Variants in KCNQ1 observed in about 807,000 individuals in gnomAD.
KCNQ1 encodes potassium voltage-gated channel subfamily Q member 1.
In KCNQ1, 49 loss-of-function variants were observed where a neutral mutation model predicts 72.4. The observed-to-expected ratio is 0.68, with a 90% CI of 0.54 to 0.86. The LOEUF (loss-of-function observed/expected upper bound fraction) is 0.86. Among genes scored for constraint, KCNQ1 ranks in the 40% least tolerant of loss-of-function variants. KCNQ1 has a pLI of 0.00. For missense variants in KCNQ1, 790 were observed against 945.1 expected (o/e 0.84, Z 2.15); for synonymous variants, 450 against 412.6 (o/e 1.09, Z -1.10).
At position 2,482,005 on chromosome 11, in the gene KCNQ1, T is replaced by C. The variant is rs1286120886; in HGVS notation, c.386+36521T>C. ...AAACCAGTCACTGGTCCCAAAAAGG[T>C]TGGGGACCACGGCCATCGGCTGTTT... is the stretch of plus-strand genomic sequence containing the variant. On this transcript the variant is annotated intron_variant, in intron 1 of 15. Coordinates refer to ENST00000155840, the MANE Select transcript of KCNQ1 (RefSeq NM_000218.3). This position sits in a 1 kb window ranked among gnomAD's most constrained non-coding sequence, Gnocchi z 5.7. Among the ~76,000 whole-genome samples the C allele has an allele frequency of 6.6e-6, 1 of 152,150 alleles. No homozygotes were observed. Among genetic ancestry groups the C allele is most frequent in the African/African-American group, 2.4e-5 (1 of 41,422 alleles).
At chr11:2,705,253 C>T (rs762106219) in intron 11 of KCNQ1, among the ~76,000 whole-genome samples, 6 of 152,150 alleles carry the variant, frequency 3.9e-5, no homozygotes, top group East Asian at 1.9e-4. Flanking sequence ...TGAGGCCAGA[C>T]GGGTGGGGGG....
chr11:2,713,922 C>T lies in KCNQ1; in HGVS notation c.1514+51841C>T, dbSNP rs573784241. ...GATGGCCCAGCACGCCGCTCACTGC[C>T]GCGCCTTTGTTCTCTGCTTCCTGCT... On this transcript the variant is annotated intron_variant, in intron 11 of 15. Transcript: ENST00000155840. This position sits in a 1 kb window ranked among gnomAD's most constrained non-coding sequence, Gnocchi z 5.6. 1.7e-3 allele frequency among the ~76,000 whole-genome samples: 254 copies of T among 152,362 alleles called. 1 individual carries two copies. The highest frequency in any genetic ancestry group is 5.5e-3 in the African/African-American group (228 of 41,588).
chr11:2,744,652 G>T (rs181738360), intron 11 of KCNQ1, among the ~76,000 whole-genome samples: 38 of 152,342 alleles, frequency 2.5e-4, no homozygotes, highest in African/African-American at 5.8e-4. Flanking sequence ...AGCTTAGGAT[G>T]TGAACTGCGT....
At position 2,473,461 on chromosome 11, in the gene KCNQ1, G is replaced by A. The variant is rs982904228; in HGVS notation, c.386+27977G>A. Among the ~76,000 whole-genome samples, 2 of 152,116 alleles carry A rather than the reference G, an allele frequency of 1.3e-5. No homozygotes were observed. Among genetic ancestry groups the A allele is most frequent in the African/African-American group, 4.8e-5 (2 of 41,424 alleles). On this transcript the variant is annotated intron_variant, in intron 1 of 15. Transcript: ENST00000155840. This position sits in a 1 kb window ranked among gnomAD's most constrained non-coding sequence, Gnocchi z 6.0. Reference sequence around the variant, plus strand: ...GGGCTGGGCCCTCCCAGGTGAGCGGGTTGGGAAAGGAAAGGGTCTGTGCTG... The same window carrying A: ...GGGCTGGGCCCTCCCAGGTGAGCGGATTGGGAAAGGAAAGGGTCTGTGCTG...
intron 1 of KCNQ1, among the ~76,000 whole-genome samples, chr11:2,454,011 C>T (rs558154917): frequency 1.3e-5 from 2 of 152,176 alleles, no homozygotes; most frequent in African/African-American, 4.8e-5. Context: ...CTCAAGCAGT[C>T]CTCCCACCTC....
chr11:2,556,721 A>G (rs1000365656), intron 2 of KCNQ1, among the ~76,000 whole-genome samples: 5 of 152,210 alleles, frequency 3.3e-5, no homozygotes, highest in Non-Finnish European at 7.3e-5. Flanking sequence ...AGTCACACGC[A>G]AATTCTTATC....
At position 2,482,827 on chromosome 11, in the gene KCNQ1, C is replaced by A. The variant is rs1339134456; in HGVS notation, c.386+37343C>A. Among the ~76,000 whole-genome samples, 1 of 151,978 alleles carries A rather than the reference C, an allele frequency of 6.6e-6. No homozygotes were observed. The highest frequency in any genetic ancestry group is 1.5e-5 in the Non-Finnish European group (1 of 68,036). ...CCACCTGCCCCTGGTGCACCTGCAGCAGCAAGACTGTCATCTAGGTTGTTG... is the reference window on the plus strand; with the variant it reads ...CCACCTGCCCCTGGTGCACCTGCAGAAGCAAGACTGTCATCTAGGTTGTTG... On this transcript the variant is annotated intron_variant, in intron 1 of 15. Transcript: ENST00000155840. The surrounding 1 kb of genome is among the most constrained non-coding windows in gnomAD (Gnocchi z 5.7).
chr11:2,447,596 T>C lies in KCNQ1; in HGVS notation c.386+2112T>C, dbSNP rs1846059315. The stretch of plus-strand genomic sequence containing the variant: ...GGGAGACCTGGTCATAGAACCAGGA[T>C]GGCAGAGTAGCTGGAGGCCACCTGC... On this transcript the variant is annotated intron_variant, in intron 1 of 15. Transcript: ENST00000155840. This position sits in a 1 kb window ranked among gnomAD's most constrained non-coding sequence, Gnocchi z 7.6. 6.6e-6 allele frequency among the ~76,000 whole-genome samples: 1 copy of C among 152,070 alleles called. No homozygotes were observed. The highest frequency in any genetic ancestry group is 2.4e-5 in the African/African-American group (1 of 41,404).
intron 15 of KCNQ1, among the ~76,000 whole-genome samples, chr11:2,833,716 G>A (rs970042404): frequency 2.0e-5 from 3 of 152,268 alleles, no homozygotes; most frequent in East Asian, 1.9e-4. Flanking sequence ...GGCTGTGACC[G>A]TGCAGTCCAC....
chr11:2,666,029 G>GA, intron 11 of KCNQ1: 1 of 398,676 alleles, frequency 2.5e-6, no homozygotes, highest in Non-Finnish European at 4.4e-6. Context: ...GGTTGCACAT[G>GA]GATACCTGAG....
Position 2,769,284 on chromosome 11 carries a change from G to A in KCNQ1, c.1590+365G>A, listed in dbSNP as rs1366334545. 6.6e-6 allele frequency among the ~76,000 whole-genome samples: 1 copy of A among 152,178 alleles called. No individual in the cohort carries two copies. The highest frequency in any genetic ancestry group is 2.4e-5 in the African/African-American group (1 of 41,436). On this transcript the variant is annotated intron_variant, in intron 12 of 15. Coordinates refer to ENST00000155840, the MANE Select transcript of KCNQ1 (RefSeq NM_000218.3). This position sits in a 1 kb window ranked among gnomAD's most constrained non-coding sequence, Gnocchi z 4.6. ...ATCAGAATGACTCAGAGATGGTGCG[G>A]AGCCTGCCCTGAGTCACCAAGCTGG...
In KCNQ1 at chr11:2,685,560, C is replaced by T. The variant is rs75643572; in HGVS notation, c.1514+23479C>T. 23,269 of 398,652 alleles carry T rather than the reference C, an allele frequency of 0.058. 813 individuals are homozygous for T. Among genetic ancestry groups the T allele is most frequent in the Middle Eastern group, 0.099 (157 of 1,588 alleles). 24.7% of individuals were successfully genotyped at this position (398,652 alleles called of 1,614,324 possible). ...TGGGAGGATCTGCAGATGACTACAG[C>T]TCTTGGCCCTTCCATACAGCACATG... is the stretch of plus-strand genomic sequence containing the variant. On this transcript the variant is annotated intron_variant, in intron 11 of 15. Coordinates refer to ENST00000155840, the MANE Select transcript of KCNQ1 (RefSeq NM_000218.3).
At chr11:2,740,005 A>G (rs994154715) in intron 11 of KCNQ1, among the ~76,000 whole-genome samples, 25 of 152,286 alleles carry the variant, frequency 1.6e-4, no homozygotes, top group Non-Finnish European at 2.8e-4. Context: ...CTCCTTGTGG[A>G]GCTGTGCGGA....
At position 2,670,072 on chromosome 11, in the gene KCNQ1, T is replaced by C. The variant is rs978050529; in HGVS notation, c.1514+7991T>C. On this transcript the variant is annotated intron_variant, in intron 11 of 15. Transcript: ENST00000155840. This position sits in a 1 kb window ranked among gnomAD's most constrained non-coding sequence, Gnocchi z 4.9. Reference sequence around the variant, plus strand: ...TCACTATTCTGCTCTGGGGAGGGGGTTGGAGGCAGAATCAGTGGACTGTGT... The same window carrying C: ...TCACTATTCTGCTCTGGGGAGGGGGCTGGAGGCAGAATCAGTGGACTGTGT... 8 of 398,078 alleles carry C rather than the reference T, an allele frequency of 2.0e-5. No individual in the cohort carries two copies. The highest frequency in any genetic ancestry group is 3.5e-5 in the Non-Finnish European group (8 of 225,994). The allele number at this position is 398,078 out of a possible 1,614,324, so 24.7% of individuals were successfully genotyped here.
Position 2,483,082 on chromosome 11 carries a change from G to T in KCNQ1, c.386+37598G>T, listed in dbSNP as rs1367033045. 6.6e-6 allele frequency among the ~76,000 whole-genome samples: 1 copy of T among 152,204 alleles called. No individual in the cohort carries two copies. Among genetic ancestry groups the T allele is most frequent in the Non-Finnish European group, 1.5e-5 (1 of 68,038 alleles). ...CAGCAGAGACCTGATGGAATTGAGGGAGTGGGTGGTGTGTGCTTCTGCAGG... is the reference window on the plus strand; with the variant it reads ...CAGCAGAGACCTGATGGAATTGAGGTAGTGGGTGGTGTGTGCTTCTGCAGG... On this transcript the variant is annotated intron_variant, in intron 1 of 15. Coordinates refer to ENST00000155840, the MANE Select transcript of KCNQ1 (RefSeq NM_000218.3). The surrounding 1 kb of genome is among the most constrained non-coding windows in gnomAD (Gnocchi z 6.1).
chr11:2,671,868 TG>T lies in KCNQ1; in HGVS notation c.1514+9789del, dbSNP rs1850188999. The stretch of plus-strand genomic sequence containing the variant: ...CCTTCTGCCCCAGGGAGCCAAGCCC[TG>T]GAGAGGAGGTGGGCAGCACCAGGCA... On this transcript the variant is annotated intron_variant, in intron 11 of 15. Coordinates refer to ENST00000155840, the MANE Select transcript of KCNQ1 (RefSeq NM_000218.3). This position sits in a 1 kb window ranked among gnomAD's most constrained non-coding sequence, Gnocchi z 4.7. 8 of 398,688 alleles carry T rather than the reference TG, an allele frequency of 2.0e-5. No homozygotes were observed. In the South Asian group the frequency reaches 1.0e-3, roughly 51 times the overall value. 24.7% of individuals were successfully genotyped at this position (398,688 alleles called of 1,614,324 possible). A position where few individuals can be genotyped will look rare whatever the true frequency, so the allele number is the denominator to read the frequency against.
At position 2,621,198 on chromosome 11, in the gene KCNQ1, G is replaced by A. The variant is rs1349210687; in HGVS notation, c.1393+32344G>A. ...TCACCATGTTGGCCAGGATGGTCTC[G>A]AATACCTGACCCCAGATGATCCACG... On this transcript the variant is annotated intron_variant, in intron 10 of 15. Coordinates refer to ENST00000155840, the MANE Select transcript of KCNQ1 (RefSeq NM_000218.3). This position sits in a 1 kb window ranked among gnomAD's most constrained non-coding sequence, Gnocchi z 5.7. The A allele has an allele frequency of 7.6e-6, 3 of 397,284 alleles. No individual in the cohort carries two copies. Among genetic ancestry groups the A allele is most frequent in the East Asian group, 3.6e-5 (1 of 28,060 alleles). 24.6% of individuals were successfully genotyped at this position (397,284 alleles called of 1,614,324 possible).
rs1850997225 is a variant in KCNQ1, at chr11:2,711,176, G to C, written c.1514+49095G>C. ...AGAATATCTCATAGTTTTCAGTATAGTTTTTGCACTACTTTGTAAATCCTA... is the reference window on the plus strand; with the variant it reads ...AGAATATCTCATAGTTTTCAGTATACTTTTTGCACTACTTTGTAAATCCTA... On this transcript the variant is annotated intron_variant, in intron 11 of 15. Transcript: ENST00000155840. The surrounding 1 kb of genome is among the most constrained non-coding windows in gnomAD (Gnocchi z 5.4). 6.6e-6 allele frequency among the ~76,000 whole-genome samples: 1 copy of C among 152,160 alleles called. No individual in the cohort carries two copies. Among genetic ancestry groups the C allele is most frequent in the Non-Finnish European group, 1.5e-5 (1 of 68,030 alleles).
At chr11:2,629,285 T>G in intron 10 of KCNQ1, 1 of 398,412 alleles carries the variant, frequency 2.5e-6, no homozygotes, top group Non-Finnish European at 4.4e-6. Context: ...TTCATAGTTT[T>G]CAGTGTCTAG....
Sources: allele counts gnomAD v4.1 joint callset (sites outside exome capture counted in the v4.1 genomes callset), GRCh38; gene constraint gnomAD v4.1.1; non-coding constraint Gnocchi (gnomAD v3.1); transcripts MANE v1.5; gene names NCBI Gene and HGNC (gene_info 2026-07-23, HGNC 2026-07-21).